SLC35F3: variants seen among roughly 807,000 people sequenced by gnomAD.
SLC35F3 encodes the protein putative thiamine transporter SLC35F3.
Under a neutral mutation model 49.9 loss-of-function variants are expected in SLC35F3, and 25 were observed. The observed-to-expected ratio is 0.50, with a 90% confidence interval of 0.37 to 0.70. The LOEUF (loss-of-function observed/expected upper bound fraction) is 0.70. Ranked by LOEUF, SLC35F3 falls within the 30% of genes least tolerant of loss-of-function variation. The pLI is 0.00. For synonymous variants in SLC35F3, 275 were observed against 265.4 expected (o/e 1.04, Z -0.35); for missense variants, 525 against 639.8 (o/e 0.82, Z 1.94).
Position 234,003,632 on chromosome 1 carries a change from A to G in SLC35F3, c.283+97874A>G, listed in dbSNP as rs187129187. On this transcript the variant is annotated intron_variant, in intron 2 of 7. Transcript: ENST00000366618. ...CACACACAAAAGGGCAAAATCCATA[A>G]CAGGAAAATATTGTTAAATCCAACT... Among the ~76,000 whole-genome samples, 294 of 152,340 alleles carry G rather than the reference A, an allele frequency of 1.9e-3. 2 individuals are homozygous for G. The highest frequency in any genetic ancestry group is 1.2e-3 in the East Asian group (6 of 5,194).
intron 2 of SLC35F3, among the ~76,000 whole-genome samples, chr1:234,013,508 C>G (rs1663755636): frequency 6.6e-6 from 1 of 150,430 alleles, no homozygotes; most frequent in Admixed American, 6.6e-5. Context: ...ATAAATGAAA[C>G]AGAGACTAGA....
chr1:234,255,603 A>T (rs1667809076), intron 3 of SLC35F3, among the ~76,000 whole-genome samples: 1 of 152,250 alleles, frequency 6.6e-6, no homozygotes, highest in African/African-American at 2.4e-5. Flanking sequence ...AAGAACCAAG[A>T]TGTCCCTTGG....
chr1:234,094,154 C>G (rs1665084621), intron 2 of SLC35F3, among the ~76,000 whole-genome samples: 1 of 152,180 alleles, frequency 6.6e-6, no homozygotes, highest in South Asian at 2.1e-4. Context: ...GGGGACTCAG[C>G]CGCTGCCCAG....
intron 2 of SLC35F3, among the ~76,000 whole-genome samples, chr1:233,955,765 G>GTA (rs1662687663): frequency 8.9e-6 from 1 of 112,954 alleles, no homozygotes; most frequent in Non-Finnish European, 1.7e-5. Context: ...CTCACGAACT[G>GTA]TTTTTTTTTT....
intron 2 of SLC35F3, among the ~76,000 whole-genome samples, chr1:234,036,647 A>G (rs889361320): frequency 6.6e-6 from 1 of 152,204 alleles, no homozygotes; most frequent in Non-Finnish European, 1.5e-5. Context: ...ATTCAGCTCC[A>G]GTCTTTTGTC....
chr1:234,009,133 TC>T (rs561908673), intron 2 of SLC35F3, among the ~76,000 whole-genome samples: 70 of 152,124 alleles, frequency 4.6e-4, no homozygotes, highest in Non-Finnish European at 8.8e-4. Context: ...CAATTTCCTA[TC>T]TATCGAAAAA....
At chr1:234,086,157 T>C (rs969436894) in intron 2 of SLC35F3, among the ~76,000 whole-genome samples, 1 of 152,236 alleles carries the variant, frequency 6.6e-6, no homozygotes. Flanking sequence ...AGTGCTCATG[T>C]CTAACTCAGG....
Position 233,977,600 on chromosome 1 carries a change from A to T in SLC35F3, c.283+71842A>T, listed in dbSNP as rs113546446. 2.4e-3 allele frequency among the ~76,000 whole-genome samples: 366 copies of T among 152,236 alleles called. 2 individuals are homozygous for T. The highest frequency in any genetic ancestry group is 8.1e-3 in the African/African-American group (338 of 41,568). ...TATTTCCTGAGGGCTACTCTATGCT[A>T]TATATTTTAAGTATTGTTGCTATGT... On this transcript the variant is annotated intron_variant, in intron 2 of 7. Coordinates refer to ENST00000366618, the MANE Select transcript of SLC35F3 (RefSeq NM_173508.4).
intron 2 of SLC35F3, among the ~76,000 whole-genome samples, chr1:234,022,591 G>A (rs1663912800): frequency 6.6e-6 from 1 of 152,090 alleles, no homozygotes. Context: ...TCTTCACAGG[G>A]ACCTCTAGAC....
chr1:234,027,273 G>T lies in SLC35F3; in HGVS notation c.283+121515G>T. ...CAGAGGGCAGTGGCAGCTGGGTGCT[G>T]AGATGGGAAGCTGTGGACTTGGGGC... On this transcript the variant is annotated intron_variant, in intron 2 of 7. Transcript: ENST00000366618. This position sits in a 1 kb window ranked among gnomAD's most constrained non-coding sequence, Gnocchi z 4.1. 1 of 154,696 alleles carries T rather than the reference G, an allele frequency of 6.5e-6. No individual in the cohort carries two copies. Among genetic ancestry groups the T allele is most frequent in the South Asian group, 1.8e-4 (1 of 5,408 alleles). The allele number at this position is 154,696 out of a possible 1,614,324, so 9.6% of individuals were successfully genotyped here. A position where few individuals can be genotyped will look rare whatever the true frequency, so the allele number is the denominator to read the frequency against.
intron 3 of SLC35F3, among the ~76,000 whole-genome samples, chr1:234,241,824 C>G (rs1210635567): frequency 6.6e-6 from 1 of 151,716 alleles, no homozygotes; most frequent in African/African-American, 2.4e-5. Flanking sequence ...TCGCCTGGAA[C>G]ATGGCCCTGG....
intron 2 of SLC35F3, among the ~76,000 whole-genome samples, chr1:234,165,865 C>G (rs1666311098): frequency 6.6e-6 from 1 of 152,130 alleles, no homozygotes; most frequent in Non-Finnish European, 1.5e-5. Context: ...TCCCTTCCTT[C>G]TGAGTCTCCA....
chr1:234,311,808 G>A (rs1031838261), intron 4 of SLC35F3, among the ~76,000 whole-genome samples: 6 of 152,352 alleles, frequency 3.9e-5, no homozygotes, highest in Admixed American at 1.3e-4. Context: ...CTAGCTCAGC[G>A]ATGGAGATGT....
chr1:234,126,977 A>T (rs556293768), intron 2 of SLC35F3, among the ~76,000 whole-genome samples: 17 of 152,364 alleles, frequency 1.1e-4, no homozygotes, highest in Non-Finnish European at 2.2e-4. Flanking sequence ...GATTACAGGC[A>T]TGAGCCACCC....
intron 7 of SLC35F3, among the ~76,000 whole-genome samples, chr1:234,321,621 G>A (rs147052240): frequency 7.2e-4 from 110 of 152,298 alleles, no homozygotes; most frequent in Middle Eastern, 6.8e-3. Context: ...TCCTTTCAGC[G>A]TATAATATGG....
intron 2 of SLC35F3, among the ~76,000 whole-genome samples, chr1:233,925,270 G>C (rs1217747023): frequency 6.6e-6 from 1 of 152,158 alleles, no homozygotes; most frequent in Non-Finnish European, 1.5e-5. Flanking sequence ...GGGAGTCTGA[G>C]TCTCTTTGTA....
At chr1:234,058,574 G>A (rs1664492212) in intron 2 of SLC35F3, among the ~76,000 whole-genome samples, 1 of 151,918 alleles carries the variant, frequency 6.6e-6, no homozygotes, top group African/African-American at 2.4e-5. Context: ...AGAACTTCTG[G>A]CCTGAAATGA....
At chr1:233,979,495 G>C (rs1295049958) in intron 2 of SLC35F3, among the ~76,000 whole-genome samples, 2 of 152,206 alleles carry the variant, frequency 1.3e-5, no homozygotes, top group African/African-American at 4.8e-5. Context: ...ACGAATGACA[G>C]CAGTAGGCTC....
intron 2 of SLC35F3, among the ~76,000 whole-genome samples, chr1:233,998,543 T>C (rs979640893): frequency 6.6e-6 from 1 of 150,742 alleles, no homozygotes; most frequent in Non-Finnish European, 1.5e-5. Flanking sequence ...GATTTTCCAC[T>C]TAGGAAGGGA....
Sources: gnomAD v4.1 joint callset for allele counts (sites outside exome capture counted in the v4.1 genomes callset) on GRCh38, gnomAD v4.1.1 for gene constraint, Gnocchi (gnomAD v3.1) non-coding constraint, MANE v1.5 for transcripts, NCBI Gene and HGNC (gene_info 2026-07-23, HGNC 2026-07-21) for gene names.